The following XYLT1 variants were observed in gnomAD, a reference collection of about 807,000 sequenced individuals.
XYLT1 encodes beta-D-xylosyltransferase 1.
In XYLT1, 36 loss-of-function variants were observed where a neutral mutation model predicts 91.3. The observed-to-expected ratio is 0.39, with a 90% CI of 0.30 to 0.52. The LOEUF (loss-of-function observed/expected upper bound fraction) is 0.52. Ranked by LOEUF, XYLT1 falls within the 20% of genes least tolerant of loss-of-function variation. The pLI is 0.68. For missense variants in XYLT1, 1,242 were observed against 1,284.5 expected, an observed-to-expected ratio of 0.97 and a Z score of 0.51; for synonymous variants, 588 against 532.0, an observed-to-expected ratio of 1.11 and a Z score of -1.45.
At chr16:17,121,801 G>T (rs994353010) in intron 10 of XYLT1, among the ~76,000 whole-genome samples, 1 of 151,970 alleles carries the variant, frequency 6.6e-6, no homozygotes, top group Non-Finnish European at 1.5e-5. Context: ...CTTAAGCCTT[G>T]ATTTCCTCAT....
chr16:17,464,138 G>C (rs1346595424), intron 1 of XYLT1, among the ~76,000 whole-genome samples: 1 of 151,134 alleles, frequency 6.6e-6, no homozygotes, highest in Non-Finnish European at 1.5e-5. Context: ...ATAAGCTCTA[G>C]TGTTTGGTAG....
At chr16:17,411,848 T>C (rs2036113456) in intron 1 of XYLT1, among the ~76,000 whole-genome samples, 1 of 152,208 alleles carries the variant, frequency 6.6e-6, no homozygotes, top group Admixed American at 6.5e-5. Context: ...GCAACAGAGT[T>C]ACCTTACTGA....
At chr16:17,215,343 T>C (rs894406122) in intron 3 of XYLT1, among the ~76,000 whole-genome samples, 3 of 152,080 alleles carry the variant, frequency 2.0e-5, no homozygotes, top group African/African-American at 7.2e-5. Flanking sequence ...GCCTCTGAAA[T>C]AAACAAACAA....
At chr16:17,288,899 C>G (rs1405201547) in intron 2 of XYLT1, among the ~76,000 whole-genome samples, 1 of 151,950 alleles carries the variant, frequency 6.6e-6, no homozygotes, top group Non-Finnish European at 1.5e-5. Flanking sequence ...ACCGTTTTAC[C>G]CCACTGAGTG....
chr16:17,117,750 G>A lies in XYLT1; in HGVS notation c.2453C>T (p.Pro818Leu). Residue 818 changes from proline (P) to leucine (L), a missense_variant, in exon 11 of 12, where the codon CCT becomes CTT. By Grantham distance (98) the Pro-to-Leu change is moderately conservative (BLOSUM62 -3). Transcript: ENST00000261381. ...GAGAATTTTCACTGTCCAGACCCCAGGCCTCAGGGGCAAGTTCAAAGGGGG... is the reference window on the plus strand; with the variant it reads ...GAGAATTTTCACTGTCCAGACCCCAAGCCTCAGGGGCAAGTTCAAAGGGGG... ...YKPPLNLPLR[P>L]GVWTVKILHH... The A allele has an allele frequency of 6.2e-7, 1 of 1,614,184 alleles. No individual in the cohort carries two copies. Among genetic ancestry groups the A allele is most frequent in the Non-Finnish European group, 8.5e-7 (1 of 1,180,034 alleles).
intron 2 of XYLT1, among the ~76,000 whole-genome samples, chr16:17,282,893 C>T (rs1200158148): frequency 6.6e-6 from 1 of 152,114 alleles, no homozygotes; most frequent in Non-Finnish European, 1.5e-5. Flanking sequence ...TTGCAAGGAT[C>T]CTTAGATATA....
At chr16:17,378,477 T>C (rs1444830302) in intron 1 of XYLT1, among the ~76,000 whole-genome samples, 1 of 152,244 alleles carries the variant, frequency 6.6e-6, no homozygotes, top group Non-Finnish European at 1.5e-5. Flanking sequence ...AGGTGGATCT[T>C]TTAATATATG....
In XYLT1 at chr16:17,138,323, T is replaced by TAGGAGGCTGGCAGACCATG. The variant is rs1330787580; in HGVS notation, c.1764+13_1764+31dup. On this transcript the variant is annotated intron_variant, in intron 8 of 11. Coordinates refer to ENST00000261381, the MANE Select transcript of XYLT1 (RefSeq NM_022166.4). ...AGAGGTTTGTTGGGAAGGCATCACT[T>TAGGAGGCTGGCAGACCATG]AGGAGGCTGGCAGACCATGAGAAAG... The TAGGAGGCTGGCAGACCATG allele has an allele frequency of 1.9e-6, 3 of 1,594,458 alleles. No homozygotes were observed. The African/African-American group carries it at 4.0e-5, about 21-fold the overall frequency.
chr16:17,217,436 G>T (rs1014708279), intron 3 of XYLT1, among the ~76,000 whole-genome samples: 1 of 152,138 alleles, frequency 6.6e-6, no homozygotes, highest in Non-Finnish European at 1.5e-5. Context: ...TGAACATTTT[G>T]CAAATAGTTT....
rs773668826 is a variant in XYLT1 at position 17,259,110 on chromosome 16, G to A, written c.791C>T (p.Ala264Val). 3.8e-6 allele frequency: 6 copies of A among 1,571,312 alleles called. No individual in the cohort carries two copies. The South Asian group carries it at 7.1e-5, about 19-fold the overall frequency. The change falls in exon 3 of 12, where the codon GCC becomes GTC. Residue 264 changes from alanine (A) to valine (V), a missense_variant. Ala to Val is a moderately conservative substitution (Grantham distance 64). Around this residue, in one of 3 missense-constraint regions of XYLT1, gnomAD observed 437 missense variants for 411.5 expected, o/e 1.06. Coordinates refer to ENST00000261381, the MANE Select transcript of XYLT1 (RefSeq NM_022166.4). ...CTTAGCACGGGACAGGGCAGAGATG[G>A]CCTCCTTGCCTGAGATGTCACACTT... ...PPKCDISGKEAISALSRAKSK... is the reference protein window; with the variant it reads ...PPKCDISGKEVISALSRAKSK...
Position 17,108,727 on chromosome 16 carries a change from C to A in XYLT1, c.2848G>T (p.Gly950Trp). 1 of 1,593,074 alleles carries A rather than the reference C, an allele frequency of 6.3e-7. No homozygotes were observed. ...SFSPDPKSEL[G>W]AVKPDGRLR Reference sequence around the variant, plus strand: ...AGCCGGCCATCAGGTTTGACTGCCCCCAGCTCCGACTTGGGGTCAGGGCTG... The same window carrying A: ...AGCCGGCCATCAGGTTTGACTGCCCACAGCTCCGACTTGGGGTCAGGGCTG... Residue 950 changes from glycine (G) to tryptophan (W), a missense_variant, in exon 12 of 12, where the codon GGG becomes TGG. By Grantham distance (184) the Gly-to-Trp change is radical. Transcript: ENST00000261381.
At chr16:17,300,631 G>A (rs1272967009) in intron 2 of XYLT1, among the ~76,000 whole-genome samples, 1 of 151,118 alleles carries the variant, frequency 6.6e-6, no homozygotes, top group African/African-American at 2.4e-5. Flanking sequence ...TAATTTTCAT[G>A]TTTTTAGTAG....
At chr16:17,443,819 C>G (rs1321910559) in intron 1 of XYLT1, among the ~76,000 whole-genome samples, 1 of 152,184 alleles carries the variant, frequency 6.6e-6, no homozygotes, top group African/African-American at 2.4e-5. Flanking sequence ...ACTTTGTCAT[C>G]ATATCTAGAC....
At chr16:17,449,386 T>G (rs2141949027) in intron 1 of XYLT1, among the ~76,000 whole-genome samples, 1 of 152,354 alleles carries the variant, frequency 6.6e-6, no homozygotes, top group Non-Finnish European at 1.5e-5. Context: ...CTGCCAGGCC[T>G]GCAGCTGTGG....
chr16:17,171,307 G>A (rs915391613), intron 5 of XYLT1, among the ~76,000 whole-genome samples: 1 of 152,176 alleles, frequency 6.6e-6, no homozygotes, highest in Non-Finnish European at 1.5e-5. Flanking sequence ...AGGTGAGATT[G>A]AGCTTGAAGG....
chr16:17,294,026 G>C (rs918824047), intron 2 of XYLT1, among the ~76,000 whole-genome samples: 57 of 152,196 alleles, frequency 3.7e-4, no homozygotes, highest in African/African-American at 1.3e-3. Flanking sequence ...TAACCACTCT[G>C]GGCCTCACTG....
intron 2 of XYLT1, among the ~76,000 whole-genome samples, chr16:17,300,542 T>TGCCTCCTGGGTTCAAGTGATTCTCCTGCC (rs538942541): frequency 0.022 from 2,933 of 132,370 alleles, 126 homozygotes; most frequent in African/African-American, 0.076. Flanking sequence ...CTGAAACTGC[T>TGCCTCCTGGGTTCAAGTGATTCTCCTGCC]GCCTCCTGGG....
intron 8 of XYLT1, 72 bp from the exon 9 acceptor site, chr16:17,134,807 T>C: frequency 6.4e-7 from 1 of 1,563,242 alleles, no homozygotes; most frequent in Non-Finnish European, 8.7e-7. Context: ...CCTAAGGGCA[T>C]ATCCTGTGGT....
intron 1 of XYLT1, among the ~76,000 whole-genome samples, chr16:17,418,650 C>A (rs756111974): frequency 6.6e-6 from 1 of 152,054 alleles, no homozygotes; most frequent in Middle Eastern, 3.2e-3. Flanking sequence ...GAGTTTGAGA[C>A]CAGCCTGGGC....
Sources: gnomAD v4.1 joint callset for allele counts (sites outside exome capture counted in the v4.1 genomes callset) on GRCh38, gnomAD v4.1.1 for gene constraint, gnomAD v4.1.1 regional missense constraint, MANE v1.5 for transcripts, NCBI Gene and HGNC (gene_info 2026-07-23, HGNC 2026-07-21) for gene names.